Variants in ZNF385D observed in about 807,000 individuals in gnomAD.
ZNF385D encodes zinc finger protein 385D, also known as zinc finger protein 659.
Under a neutral mutation model 35.8 loss-of-function variants are expected in ZNF385D, and 15 were observed. The observed-to-expected ratio is 0.42, with a 90% CI of 0.28 to 0.64. The LOEUF (loss-of-function observed/expected upper bound fraction) is 0.64. ZNF385D is among the 30% of genes least tolerant of loss of function. The pLI is 0.23. For synonymous variants in ZNF385D, 212 were observed against 186.8 expected, an observed-to-expected ratio of 1.13 and a Z score of -1.10; for missense variants, 474 against 494.6, an observed-to-expected ratio of 0.96 and a Z score of 0.39.
intron 2 of ZNF385D, among the ~76,000 whole-genome samples, chr3:22,331,936 G>A (rs188153449): frequency 7.9e-5 from 12 of 152,176 alleles, no homozygotes; most frequent in East Asian, 3.9e-4. Context: ...TTTAAAATTT[G>A]TGGTCTTGCT....
chr3:21,530,268 C>A (rs966958516), intron 3 of ZNF385D, among the ~76,000 whole-genome samples: 2 of 152,132 alleles, frequency 1.3e-5, no homozygotes, highest in African/African-American at 4.8e-5. Context: ...AATTATCCAG[C>A]CTCAGGTATT....
chr3:21,996,400 C>CT (rs1695469320), intron 3 of ZNF385D, among the ~76,000 whole-genome samples: 1 of 152,164 alleles, frequency 6.6e-6, no homozygotes, highest in Non-Finnish European at 1.5e-5. Context: ...GCCTCAGAGG[C>CT]TCCCTGTCAC....
At chr3:21,893,017 C>T (rs1345980542) in intron 3 of ZNF385D, among the ~76,000 whole-genome samples, 6 of 152,072 alleles carry the variant, frequency 3.9e-5, no homozygotes, top group Admixed American at 6.6e-5. Context: ...ATCAGAAAAG[C>T]TTGAAAAACA....
chr3:21,740,857 G>A (rs546398839), intron 1 of ZNF385D, among the ~76,000 whole-genome samples: 3 of 152,194 alleles, frequency 2.0e-5, no homozygotes, highest in East Asian at 1.9e-4. Flanking sequence ...TTAACTGAGG[G>A]GTATTAAATG....
chr3:21,977,366 T>C (rs1703695821), intron 3 of ZNF385D, among the ~76,000 whole-genome samples: 1 of 152,182 alleles, frequency 6.6e-6, no homozygotes, highest in African/African-American at 2.4e-5. Flanking sequence ...TTGAGTATGG[T>C]GGTGGTTGTC....
At chr3:21,907,867 G>A (rs187143888) in intron 3 of ZNF385D, among the ~76,000 whole-genome samples, 82 of 152,114 alleles carry the variant, frequency 5.4e-4, no homozygotes, top group Admixed American at 2.1e-3. Flanking sequence ...ACATATATGT[G>A]GAGACTGAGG....
Position 22,250,189 on chromosome 3 carries a change from A to G in ZNF385D, c.107-81154T>C, listed in dbSNP as rs117660715. ...GCAAAACACAGTGCTATTCAATCATATAAGATACAATTTAAAAATCTGAAA... is the reference window on the plus strand; with the variant it reads ...GCAAAACACAGTGCTATTCAATCATGTAAGATACAATTTAAAAATCTGAAA... On this transcript the variant is annotated intron_variant, in intron 2 of 5. Coordinates refer to the ZNF385D transcript ENST00000494108. 3.3e-5 allele frequency among the ~76,000 whole-genome samples: 5 copies of G among 152,252 alleles called. No individual in the cohort carries two copies. In the East Asian group the frequency reaches 5.8e-4, roughly 18 times the overall value.
chr3:22,182,634 A>G (rs1023593496), intron 2 of ZNF385D, among the ~76,000 whole-genome samples: 21 of 152,032 alleles, frequency 1.4e-4, no homozygotes, highest in African/African-American at 5.1e-4. Context: ...TTAAAAAGAT[A>G]AACTAGGTAG....
intron 2 of ZNF385D, among the ~76,000 whole-genome samples, chr3:22,242,733 A>G (rs970405184): frequency 2.6e-5 from 4 of 151,184 alleles, no homozygotes; most frequent in Non-Finnish European, 5.9e-5. Flanking sequence ...TAAAATATGA[A>G]TAAAGACCAT....
chr3:21,956,163 G>C (rs751311700), intron 3 of ZNF385D, among the ~76,000 whole-genome samples: 1 of 151,656 alleles, frequency 6.6e-6, no homozygotes, highest in Non-Finnish European at 1.5e-5. Context: ...TTGAAGACTG[G>C]GTGAGAGAGT....
chr3:21,984,946 C>T (rs1417919106), intron 3 of ZNF385D, among the ~76,000 whole-genome samples: 2 of 149,276 alleles, frequency 1.3e-5, no homozygotes, highest in East Asian at 4.1e-4. Context: ...TGGGAGTTCA[C>T]TCATGATTTG....
intron 3 of ZNF385D, among the ~76,000 whole-genome samples, chr3:21,924,687 G>C (rs138442508): frequency 1.9e-3 from 295 of 152,228 alleles, no homozygotes; most frequent in African/African-American, 6.8e-3. Context: ...GGAGTAATAA[G>C]GCCCTACCTC....
chr3:22,335,263 A>C (rs556480810), intron 2 of ZNF385D, among the ~76,000 whole-genome samples: 47 of 152,316 alleles, frequency 3.1e-4, no homozygotes, highest in Admixed American at 3.0e-3. Context: ...CACCATGATC[A>C]TGATGGCTTC....
intron 3 of ZNF385D, among the ~76,000 whole-genome samples, chr3:21,518,409 G>A (rs1707710883): frequency 6.6e-6 from 1 of 151,922 alleles, no homozygotes; most frequent in South Asian, 2.1e-4. Flanking sequence ...TTCTCTCCAA[G>A]GTAATTATTG....
chr3:22,182,982 T>G (rs1695385815), intron 2 of ZNF385D, among the ~76,000 whole-genome samples: 1 of 152,036 alleles, frequency 6.6e-6, no homozygotes, highest in Non-Finnish European at 1.5e-5. Context: ...AGAAAAAATG[T>G]GAAAGATTAA....
intron 2 of ZNF385D, among the ~76,000 whole-genome samples, chr3:21,595,651 C>G (rs1350716929): frequency 1.3e-5 from 2 of 151,964 alleles, no homozygotes; most frequent in Non-Finnish European, 2.9e-5. Flanking sequence ...CTCTTCTATC[C>G]CAGGACTCCA....
chr3:22,337,466 G>A (rs369412986), intron 2 of ZNF385D, among the ~76,000 whole-genome samples: 5 of 152,074 alleles, frequency 3.3e-5, no homozygotes, highest in South Asian at 2.1e-4. Context: ...CCTGGGAAGC[G>A]GAGGTTGCAG....
intron 3 of ZNF385D, among the ~76,000 whole-genome samples, chr3:21,967,769 G>A (rs891679518): frequency 2.6e-5 from 4 of 152,184 alleles, no homozygotes; most frequent in African/African-American, 7.2e-5. Context: ...AAATTCCAAT[G>A]GCAAATGAGG....
intron 4 of ZNF385D, among the ~76,000 whole-genome samples, chr3:21,483,588 G>T (rs781056726): frequency 3.9e-5 from 6 of 152,070 alleles, no homozygotes; most frequent in African/African-American, 1.4e-4. Flanking sequence ...GCATTGATGG[G>T]ATTTGTTATT....
Sources: allele counts gnomAD v4.1 joint callset (sites outside exome capture counted in the v4.1 genomes callset), GRCh38; gene constraint gnomAD v4.1.1; transcripts MANE v1.5; gene names NCBI Gene and HGNC (gene_info 2026-07-23, HGNC 2026-07-21).